Variants in GPD2 observed in about 807,000 individuals in gnomAD.
The protein encoded by GPD2 is glycerol-3-phosphate dehydrogenase, mitochondrial.
A neutral mutation model predicts 82.4 loss-of-function variants in GPD2; 54 were observed. The observed-to-expected ratio is 0.66, with a 90% CI of 0.53 to 0.82. The LOEUF (loss-of-function observed/expected upper bound fraction) is 0.82, where lower values mean the gene tolerates loss of function less well. Among genes scored for constraint, GPD2 ranks in the 40% least tolerant of loss-of-function variants. The probability of loss-of-function intolerance (pLI) is 0.00; values close to 1 mark genes in which losing one functional copy is unlikely to be tolerated. For missense variants in GPD2, 748 were observed against 896.2 expected (o/e 0.83, Z 2.11); for synonymous variants, 288 against 306.1 (o/e 0.94, Z 0.62).
intron 6 of GPD2, among the ~76,000 whole-genome samples, chr2:156,527,626 T>A (rs1685662625): frequency 6.6e-6 from 1 of 152,178 alleles, no homozygotes; most frequent in South Asian, 2.1e-4. Flanking sequence ...AGTATATGAT[T>A]TGCTATCTAT....
intron 2 of GPD2, among the ~76,000 whole-genome samples, chr2:156,477,714 T>C (rs1284850069): frequency 1.3e-5 from 2 of 152,228 alleles, no homozygotes; most frequent in Non-Finnish European, 2.9e-5. Flanking sequence ...GGAGTTTTGA[T>C]ACGTACAATG....
At chr2:156,570,612 C>T (rs1687579506) in intron 12 of GPD2, among the ~76,000 whole-genome samples, 1 of 152,116 alleles carries the variant, frequency 6.6e-6, no homozygotes, top group Non-Finnish European at 1.5e-5. Flanking sequence ...TTTGTGAAAT[C>T]AGAGACCAGG....
intron 8 of GPD2, 44 bp from the exon 9 acceptor site, chr2:156,557,345 C>T: frequency 8.3e-7 from 1 of 1,208,598 alleles, no homozygotes; most frequent in South Asian, 1.2e-5. Context: ...TAATGTTAAA[C>T]TTCTGGGATT....
chr2:156,483,472 A>G (rs1479040690), intron 2 of GPD2, among the ~76,000 whole-genome samples: 2 of 152,238 alleles, frequency 1.3e-5, no homozygotes, highest in Non-Finnish European at 2.9e-5. Flanking sequence ...CTGAGGTAGG[A>G]TATGAACATT....
chr2:156,430,635 G>T (rs1241996649), upstream of GPD2, among the ~76,000 whole-genome samples: 1 of 152,150 alleles, frequency 6.6e-6, no homozygotes, highest in African/African-American at 2.4e-5. Context: ...CTTTGGTTTT[G>T]TTTCTTAGAA....
chr2:156,569,294 G>A (rs1687516660), intron 10 of GPD2, 69 bp from the exon 11 acceptor site: 1 of 1,059,490 alleles, frequency 9.4e-7, no homozygotes, highest in African/African-American at 1.6e-5. Flanking sequence ...TTGGTAAGTT[G>A]ATAAATGGTT....
intron 1 of GPD2, among the ~76,000 whole-genome samples, chr2:156,454,022 A>G (rs1242101262): frequency 6.6e-6 from 1 of 152,218 alleles, no homozygotes; most frequent in African/African-American, 2.4e-5. Context: ...ATGGGTGGTA[A>G]AGTCTAATGG....
chr2:156,478,182 G>T (rs890459925), intron 2 of GPD2, among the ~76,000 whole-genome samples: 1 of 152,060 alleles, frequency 6.6e-6, no homozygotes, highest in South Asian at 2.1e-4. Flanking sequence ...CAAGTTATAG[G>T]TGGATTTTAT....
chr2:156,551,831 G>A (rs1400143658), intron 8 of GPD2, among the ~76,000 whole-genome samples: 1 of 152,136 alleles, frequency 6.6e-6, no homozygotes. Context: ...GAAAAAGACT[G>A]GAAGGAAATA....
chr2:156,570,080 T>A lies in GPD2; in HGVS notation c.1477-7T>A. 6.2e-7 allele frequency: 1 copy of A among 1,610,872 alleles called. No homozygotes were observed. The highest frequency in any genetic ancestry group is 8.5e-7 in the Non-Finnish European group (1 of 1,178,874). ...AGTGCCTGCCTAACGCAGCTTTATTTCTCTAGGTGGCACAGCATCTTGCCG... is the reference window on the plus strand; with the variant it reads ...AGTGCCTGCCTAACGCAGCTTTATTACTCTAGGTGGCACAGCATCTTGCCG... On this transcript the variant is annotated splice_polypyrimidine_tract_variant and splice_region_variant and intron_variant, in intron 11 of 16. Transcript: ENST00000438166.
chr2:156,466,674 AAAT>A (rs1683159052), intron 1 of GPD2, among the ~76,000 whole-genome samples: 4 of 152,216 alleles, frequency 2.6e-5, no homozygotes, highest in Admixed American at 6.5e-5. Context: ...TTTGTGAAAT[AAAT>A]GCTCGATTAA....
At chr2:156,579,329 CTTT>C (rs59446199) in intron 15 of GPD2, among the ~76,000 whole-genome samples, 165 bp downstream of exon 15, 1 of 135,194 alleles carries the variant, frequency 7.4e-6, no homozygotes, top group Non-Finnish European at 1.6e-5. Flanking sequence ...TTTTTTCTTT[CTTT>C]TTTTTTTTTT....
intron 2 of GPD2, among the ~76,000 whole-genome samples, chr2:156,485,027 T>G (rs963585324): frequency 2.0e-5 from 3 of 152,230 alleles, no homozygotes; most frequent in African/African-American, 7.2e-5. Flanking sequence ...TGTCTTTCAG[T>G]GTCTGGCTTA....
chr2:156,449,382 T>G (rs1682473511), intron 1 of GPD2, among the ~76,000 whole-genome samples: 2 of 152,198 alleles, frequency 1.3e-5, no homozygotes, highest in Non-Finnish European at 2.9e-5. Context: ...TTTCTTAATT[T>G]CTTCTCACTG....
intron 9 of GPD2, among the ~76,000 whole-genome samples, chr2:156,558,751 C>G: frequency 6.7e-6 from 1 of 148,720 alleles, no homozygotes; most frequent in Middle Eastern, 3.4e-3. Flanking sequence ...GTGCCCACCA[C>G]CACGCCCAGC....
chr2:156,480,950 C>T (rs1040699092), intron 2 of GPD2, among the ~76,000 whole-genome samples: 3 of 151,234 alleles, frequency 2.0e-5, no homozygotes, highest in African/African-American at 7.3e-5. Context: ...GATCATTCCT[C>T]CTAAGGTCTC....
intron 6 of GPD2, among the ~76,000 whole-genome samples, chr2:156,534,334 G>A (rs992099096): frequency 1.3e-5 from 2 of 152,170 alleles, no homozygotes; most frequent in African/African-American, 2.4e-5. Flanking sequence ...GGGGTTTGGG[G>A]TTTATAATGG....
intron 13 of GPD2, among the ~76,000 whole-genome samples, chr2:156,574,153 G>A (rs1687735056): frequency 6.6e-6 from 1 of 152,072 alleles, no homozygotes; most frequent in Non-Finnish European, 1.5e-5. Flanking sequence ...GAACTGATTA[G>A]GGAAGAAGGC....
At chr2:156,420,231 G>T in the GPD2 span, among the ~76,000 whole-genome samples, 3 of 151,868 alleles carry the variant, frequency 2.0e-5, no homozygotes, top group African/African-American at 7.3e-5. Context: ...GAATGCAGTG[G>T]CGTGATCTCG....
Sources: allele counts gnomAD v4.1 joint callset (sites outside exome capture counted in the v4.1 genomes callset), GRCh38; gene constraint gnomAD v4.1.1; transcripts MANE v1.5; gene names NCBI Gene and HGNC (gene_info 2026-07-23, HGNC 2026-07-21).